GOLGB1: variants seen among roughly 807,000 people sequenced by gnomAD.
GOLGB1 encodes the protein golgin subfamily B member 1.
GOLGB1 carries 174 observed loss-of-function variants against 336.9 expected under a neutral mutation model. That is an observed-to-expected ratio of 0.52 (90% confidence interval 0.46 to 0.59). The LOEUF (loss-of-function observed/expected upper bound fraction) is 0.59, where lower values mean the gene tolerates loss of function less well. Ranked by LOEUF, GOLGB1 falls within the 20% of genes least tolerant of loss-of-function variation. GOLGB1 has a pLI of 0.00. For missense variants in GOLGB1, 3,331 were observed against 3,645.3 expected, an observed-to-expected ratio of 0.91 and a Z score of 2.22; for synonymous variants, 1,208 against 1,289.2, an observed-to-expected ratio of 0.94 and a Z score of 1.35.
chr3:121,664,679 C>CTAGT, intron 21 of GOLGB1, 65 bp from the exon 22 acceptor site: 1 of 1,484,280 alleles, frequency 6.7e-7, no homozygotes, highest in South Asian at 1.1e-5. Context: ...TTCCCTCCTA[C>CTAGT]TAGTCTTGCA....
intron 10 of GOLGB1, 122 bp from the exon 11 acceptor site, chr3:121,702,717 A>G (rs564182522): frequency 1.6e-4 from 66 of 401,672 alleles, no homozygotes; most frequent in Non-Finnish European, 2.8e-4. Flanking sequence ...TACTTTAAAA[A>G]TAACATCTAC....
At chr3:121,726,428 T>G (rs1945605868) in intron 5 of GOLGB1, among the ~76,000 whole-genome samples, 2 of 87,606 alleles carry the variant, frequency 2.3e-5, no homozygotes, top group Non-Finnish European at 2.1e-5. Flanking sequence ...AGTGACACCC[T>G]GTCTCAAAAA....
chr3:121,665,869 C>A (rs893694642), intron 20 of GOLGB1, among the ~76,000 whole-genome samples: 1 of 152,158 alleles, frequency 6.6e-6, no homozygotes, highest in African/African-American at 2.4e-5. Flanking sequence ...TTCTTTTCCC[C>A]GGGAGAGAAG....
At position 121,697,076 on chromosome 3, in the gene GOLGB1, T is replaced by C. The variant is rs372920467; in HGVS notation, c.3447A>G (p.Thr1149=). The C allele has an allele frequency of 2.0e-5, 33 of 1,614,090 alleles. No homozygotes were observed. In the East Asian group the frequency reaches 6.9e-4, roughly 34 times the overall value. The stretch of plus-strand genomic sequence containing the variant: ...CTGTACAAGGTGGACTTATCACCAC[T>C]GTTTCCTTTACAAGTGCTACGGAGT... ...DGDSVALVKE[T]VVISPPCTGS... The change falls in exon 13 of 22, where the codon ACA becomes ACG. Residue 1149 remains threonine (T), a synonymous_variant. Transcript: ENST00000614479.
In GOLGB1 at chr3:121,697,653, T is replaced by C. The variant is rs139559918; in HGVS notation, c.2870A>G (p.Asp957Gly). The C allele has an allele frequency of 9.1e-5, 146 of 1,612,490 alleles. No individual in the cohort carries two copies. In the African/African-American group the frequency reaches 1.8e-3, roughly 20 times the overall value. ...TTTAAGGCCAGAAGAAACTTCATTA[T>C]CTTCTTCCACCTGCTCTTTTTTTGC... ...EEAKKEQVEE[D>G]NEVSSGLKQN... The change falls in exon 13 of 22, where the codon GAT (aspartate) becomes GGT (glycine). Residue 957 changes from aspartate (D) to glycine (G), a missense_variant. Transcript: ENST00000614479.
rs559990957 is a variant in GOLGB1, at chr3:121,730,023, A to G, written c.97-6T>C. 5 of 1,600,790 alleles carry G rather than the reference A, an allele frequency of 3.1e-6. No individual in the cohort carries two copies. In the South Asian group the frequency reaches 4.5e-5, roughly 14 times the overall value. On this transcript the variant is annotated splice_region_variant and splice_polypyrimidine_tract_variant and intron_variant, in intron 2 of 21. Transcript: ENST00000614479. The stretch of plus-strand genomic sequence containing the variant: ...TCAGATTCTTGGTGTAATTCCTAAT[A>G]TTTAGGAAAAAAGTTGCCAGTGCAC...
chr3:121,717,027 A>C lies in GOLGB1; in HGVS notation c.998T>G (p.Val333Gly). The change falls in exon 9 of 22, where the codon GTG becomes GGG. Residue 333 changes from valine to glycine, a missense_variant. Coordinates refer to ENST00000614479, the MANE Select transcript of GOLGB1 (RefSeq NM_001366282.2). Reference protein sequence around the residue: ...KILLEKMELEVAERKLSFHNL... With the variant: ...KILLEKMELEGAERKLSFHNL... ...ATGGAAGGATAATTTTCTCTCTGCC[A>C]CTTCAAGTTCCATCTTTTCCAGTAG... The C allele has an allele frequency of 6.2e-7, 1 of 1,613,920 alleles. No individual in the cohort carries two copies. Among genetic ancestry groups the C allele is most frequent in the South Asian group, 1.1e-5 (1 of 91,062 alleles).
At chr3:121,735,154 G>A (rs550160554) in intron 1 of GOLGB1, among the ~76,000 whole-genome samples, 32 of 152,280 alleles carry the variant, frequency 2.1e-4, no homozygotes, top group Middle Eastern at 6.8e-3. Flanking sequence ...GAATATAAAA[G>A]AGCAACACAA....
At position 121,667,500 on chromosome 3, in the gene GOLGB1, G is replaced by C. The variant is rs1333243581; in HGVS notation, c.9530C>G (p.Ser3177Cys). ...DQRVAAENAL[S>C]VAEEQIRRLE... is the part of the protein sequence containing the mutation. ...CCGTCTGATCTGCTCCTCGGCCACA[G>C]AGAGAGCATTCTCAGCAGCCACTCT... The change falls in exon 20 of 22, where the codon TCT becomes TGT. Residue 3177 changes from serine (S) to cysteine (C), a missense_variant. Physicochemically the swap from Ser to Cys is moderately radical, Grantham distance 112. Transcript: ENST00000614479. 2 of 1,614,024 alleles carry C rather than the reference G, an allele frequency of 1.2e-6. No homozygotes were observed. Among genetic ancestry groups the C allele is most frequent in the Non-Finnish European group, 1.7e-6 (2 of 1,179,912 alleles).
chr3:121,682,671 T>C (rs1941215061), intron 14 of GOLGB1, among the ~76,000 whole-genome samples: 1 of 152,218 alleles, frequency 6.6e-6, no homozygotes. Context: ...TCAGGACATC[T>C]GGGCAAAGAT....
intron 5 of GOLGB1, 40 bp downstream of exon 5, chr3:121,726,873 T>C (rs1012625348): frequency 3.4e-6 from 5 of 1,469,490 alleles, no homozygotes; most frequent in Non-Finnish European, 4.6e-6. Context: ...GTTTTAGTGA[T>C]TCATTAACCT....
chr3:121,747,259 A>ATATATATATGTATATATGTATATATG (rs1947377974), intron 1 of GOLGB1, among the ~76,000 whole-genome samples: 2 of 136,588 alleles, frequency 1.5e-5, no homozygotes, highest in East Asian at 4.0e-4. Flanking sequence ...CCATGTGTGT[A>ATATATATATGTATATATGTATATATG]TATATATATG....
chr3:121,719,595 A>G (rs997956240), intron 7 of GOLGB1, 51 bp downstream of exon 7: 1 of 1,514,090 alleles, frequency 6.6e-7, no homozygotes, highest in Non-Finnish European at 9.0e-7. Context: ...GCTGTGATGG[A>G]TTAAATATTA....
Position 121,695,856 on chromosome 3 carries a change from A to T in GOLGB1, c.4667T>A (p.Leu1556His). The T allele has an allele frequency of 6.2e-7, 1 of 1,613,836 alleles. No individual in the cohort carries two copies. Among genetic ancestry groups the T allele is most frequent in the South Asian group, 1.1e-5 (1 of 91,070 alleles). The change falls in exon 13 of 22, where the codon CTC becomes CAC. Residue 1556 changes from leucine to histidine, a missense_variant. Coordinates refer to ENST00000614479, the MANE Select transcript of GOLGB1 (RefSeq NM_001366282.2). ...TAAAGACCTGTCCATTTCTGTAATG[A>T]GTTTGTCTCTTTCTTCTTGAAGAAG... ...LALLQEERDK[L>H]ITEMDRSLLE...
Position 121,677,455 on chromosome 3 carries a change from A to G in GOLGB1, c.8874-5T>C. ...TCCCAGGAACTCTTCTCCATCCTAG[A>G]AAAAACATGACACAATCACAGGTAA... On this transcript the variant is annotated splice_region_variant and splice_polypyrimidine_tract_variant and intron_variant, in intron 15 of 21. Transcript: ENST00000614479. 6.3e-7 allele frequency: 1 copy of G among 1,599,388 alleles called. No individual in the cohort carries two copies. Among genetic ancestry groups the G allele is most frequent in the South Asian group, 1.1e-5 (1 of 90,696 alleles).
intron 1 of GOLGB1, 96 bp from the exon 2 acceptor site, chr3:121,731,069 G>T (rs1946079866): frequency 8.1e-7 from 1 of 1,237,048 alleles, no homozygotes; most frequent in South Asian, 1.4e-5. Flanking sequence ...AATGAAAAAA[G>T]AATACTGTAC....
Position 121,691,403 on chromosome 3 carries a change from G to C in GOLGB1, c.7961C>G (p.Ser2654Cys). Reference sequence around the variant, plus strand: ...TTCTGCAATTCTCTTTTGAGAGGAGGAAAACAAAGCACTTAACCTGTGTAC... The same window carrying C: ...TTCTGCAATTCTCTTTTGAGAGGAGCAAAACAAAGCACTTAACCTGTGTAC... ...EEVHRLSALFSSSQKRIAELE... is the reference protein window; with the variant it reads ...EEVHRLSALFCSSQKRIAELE... The change falls in exon 14 of 22, where the codon TCC becomes TGC. Residue 2654 changes from serine (S) to cysteine (C), a missense_variant. By Grantham distance (112) the Ser-to-Cys change is moderately radical (BLOSUM62 -1). Transcript: ENST00000614479. The C allele has an allele frequency of 6.2e-7, 1 of 1,613,694 alleles. No homozygotes were observed. The highest frequency in any genetic ancestry group is 1.1e-5 in the South Asian group (1 of 91,052).
rs188958112 is a variant in GOLGB1 at position 121,668,416 on chromosome 3, T to C, written c.9322-258A>G. ...TGGGCCGGGCGCCGTGGCTCAAGCC[T>C]GTAATCCCAGCACTTTGGGAGGCCG... is the stretch of plus-strand genomic sequence containing the variant. On this transcript the variant is annotated intron_variant, in intron 18 of 21. Coordinates refer to ENST00000614479, the MANE Select transcript of GOLGB1 (RefSeq NM_001366282.2). The C allele has an allele frequency of 7.3e-3, 1,829 of 250,400 alleles. 19 individuals are homozygous for C. The highest frequency in any genetic ancestry group is 0.024 in the Middle Eastern group (18 of 744). The allele number at this position is 250,400 out of a possible 1,614,324, so 15.5% of individuals were successfully genotyped here.
intron 1 of GOLGB1, among the ~76,000 whole-genome samples, chr3:121,743,577 C>T (rs892610410): frequency 6.6e-6 from 1 of 151,934 alleles, no homozygotes; most frequent in African/African-American, 2.4e-5. Flanking sequence ...CAAACCTGCA[C>T]GTTGTGCACA....
Sources: allele counts gnomAD v4.1 joint callset (sites outside exome capture counted in the v4.1 genomes callset), GRCh38; gene constraint gnomAD v4.1.1; transcripts MANE v1.5; gene names NCBI Gene and HGNC (gene_info 2026-07-23, HGNC 2026-07-21).